PSME3IP1: variants seen among roughly 807,000 people sequenced by gnomAD.
PSME3IP1 encodes the protein proteasome activator subunit 3 interacting protein 1.
Under a neutral mutation model 34.1 loss-of-function variants are expected in PSME3IP1, and 13 were observed. That is an observed-to-expected ratio of 0.38 (90% CI 0.25 to 0.61). The LOEUF is 0.61. Ranked by LOEUF, PSME3IP1 falls within the 20% of genes least tolerant of loss-of-function variation. The pLI, the probability that PSME3IP1 is intolerant of heterozygous loss-of-function variation, is 0.60. For missense variants in PSME3IP1, 237 were observed against 301.4 expected (o/e 0.79, Z 1.58); for synonymous variants, 93 against 114.3 (o/e 0.81, Z 1.19).
intron 1 of PSME3IP1, among the ~76,000 whole-genome samples, chr16:57,176,940 C>T (rs1597743056): frequency 6.6e-6 from 1 of 152,168 alleles, no homozygotes; most frequent in South Asian, 2.1e-4. Context: ...CTGCAACCTC[C>T]GCTTCCCAGA....
rs767059423 is a variant in PSME3IP1, at chr16:57,172,840, T to C, written c.162A>G (p.Leu54=). 5 of 1,613,640 alleles carry C rather than the reference T, an allele frequency of 3.1e-6. No individual in the cohort carries two copies. In the South Asian group the frequency reaches 3.3e-5, roughly 11 times the overall value. The change falls in exon 3 of 7, where the codon CTA becomes CTG. Residue 54 remains leucine, a synonymous_variant. Transcript: ENST00000309137. Reference sequence around the variant, plus strand: ...CCTTCTGTTCCTGTAGCCTTTCATATAGAGATCGAGGGTCATAAACCTCCT... The same window carrying C: ...CCTTCTGTTCCTGTAGCCTTTCATACAGAGATCGAGGGTCATAAACCTCCT... ...CPEEVYDPRS[L]YERLQEQKDR...
At chr16:57,160,806 T>C (rs2071140686) in intron 6 of PSME3IP1, among the ~76,000 whole-genome samples, 1 of 152,116 alleles carries the variant, frequency 6.6e-6, no homozygotes, top group Non-Finnish European at 1.5e-5. Context: ...CTACTAACAA[T>C]GAAAGTATGA....
At chr16:57,163,317 C>T (rs963637768) in intron 6 of PSME3IP1, among the ~76,000 whole-genome samples, 11 of 152,154 alleles carry the variant, frequency 7.2e-5, no homozygotes, top group African/African-American at 2.7e-4. Flanking sequence ...AACAGACCAC[C>T]ACCACTGGTG....
chr16:57,155,762 C>T (rs576100537), intron 6 of PSME3IP1, among the ~76,000 whole-genome samples: 8 of 151,904 alleles, frequency 5.3e-5, no homozygotes, highest in Admixed American at 1.3e-4. Context: ...GTTGAGATCG[C>T]GCTACTGCAC....
At chr16:57,184,809 T>C (rs545299023) in intron 1 of PSME3IP1, among the ~76,000 whole-genome samples, 93 of 152,378 alleles carry the variant, frequency 6.1e-4, no homozygotes, top group African/African-American at 2.1e-3. Context: ...GGTAAGGACA[T>C]GAAGACTTCA....
intron 5 of PSME3IP1, 70 bp downstream of exon 5, chr16:57,167,023 C>T: frequency 1.3e-6 from 2 of 1,577,040 alleles, no homozygotes; most frequent in Non-Finnish European, 1.7e-6. Flanking sequence ...TTGGCTCTGG[C>T]TTCCATTACA....
At chr16:57,173,542 T>C (rs13380615) in intron 2 of PSME3IP1, among the ~76,000 whole-genome samples, 186 bp downstream of exon 2, 2,749 of 151,992 alleles carry the variant, frequency 0.018, 92 homozygotes, top group African/African-American at 0.064. Flanking sequence ...GGCAGGAGAA[T>C]CTCCTGAGCC....
rs1490946273 is a variant in PSME3IP1 at position 57,152,736 on chromosome 16, T to A, written c.*1554A>T. 1 of 152,704 alleles carries A rather than the reference T, an allele frequency of 6.5e-6. No homozygotes were observed. The highest frequency in any genetic ancestry group is 1.5e-5 in the Non-Finnish European group (1 of 68,062). 9.5% of individuals were successfully genotyped at this position (152,704 alleles called of 1,614,324 possible). ...AGGTGCCTACAAAGTTTTACCTAAATGTCTTGTTTGTCAGGATGGAGCTGA... is the reference window on the plus strand; with the variant it reads ...AGGTGCCTACAAAGTTTTACCTAAAAGTCTTGTTTGTCAGGATGGAGCTGA... On this transcript the variant is annotated 3_prime_UTR_variant, in exon 7 of 7. Coordinates refer to ENST00000309137, the MANE Select transcript of PSME3IP1 (RefSeq NM_024946.4).
At chr16:57,177,013 C>A (rs1482964474) in intron 1 of PSME3IP1, among the ~76,000 whole-genome samples, 2 of 152,128 alleles carry the variant, frequency 1.3e-5, no homozygotes, top group African/African-American at 2.4e-5. Context: ...TGCTACCATG[C>A]CCGGCTAATT....
At chr16:57,176,350 C>A (rs2073170910) in intron 1 of PSME3IP1, among the ~76,000 whole-genome samples, 2 of 152,116 alleles carry the variant, frequency 1.3e-5, no homozygotes, top group Non-Finnish European at 2.9e-5. Flanking sequence ...GTAAATAATT[C>A]AGGGTGGGAT....
intron 4 of PSME3IP1, among the ~76,000 whole-genome samples, chr16:57,167,817 T>A (rs1661932708): frequency 6.6e-6 from 1 of 152,210 alleles, no homozygotes; most frequent in Non-Finnish European, 1.5e-5. Flanking sequence ...CTGAAGGTGA[T>A]TTTACACTTG....
intron 6 of PSME3IP1, among the ~76,000 whole-genome samples, chr16:57,163,386 T>G (rs556672460): frequency 1.3e-5 from 2 of 152,274 alleles, no homozygotes; most frequent in African/African-American, 4.8e-5. Flanking sequence ...ATGTAAGCCC[T>G]GTTGATCGAT....
At chr16:57,163,852 G>T in intron 6 of PSME3IP1, 149 bp downstream of exon 6, 1 of 762,806 alleles carries the variant, frequency 1.3e-6, no homozygotes, top group African/African-American at 1.7e-5. Flanking sequence ...ATAAAATCCT[G>T]CCTGGCATAA....
chr16:57,176,202 G>A (rs1259499874), intron 1 of PSME3IP1, among the ~76,000 whole-genome samples: 1 of 152,194 alleles, frequency 6.6e-6, no homozygotes. Flanking sequence ...CAGAGAAAAC[G>A]TGAACTTTCT....
intron 1 of PSME3IP1, among the ~76,000 whole-genome samples, chr16:57,183,161 A>G (rs1300051055): frequency 5.3e-5 from 8 of 152,174 alleles, no homozygotes; most frequent in African/African-American, 1.9e-4. Flanking sequence ...ATGCACAGTG[A>G]AAAGTGGTGG....
intron 1 of PSME3IP1, among the ~76,000 whole-genome samples, chr16:57,177,978 G>C: frequency 6.6e-6 from 1 of 152,198 alleles, no homozygotes; most frequent in East Asian, 1.9e-4. Flanking sequence ...AACAGAGTGA[G>C]ACCCTGTCTC....
At chr16:57,179,173 C>T (rs1448441925) in intron 1 of PSME3IP1, among the ~76,000 whole-genome samples, 1 of 152,042 alleles carries the variant, frequency 6.6e-6, no homozygotes, top group African/African-American at 2.4e-5. Context: ...CCTTTACTCA[C>T]GTTTTCCAAA....
rs113345671 is a variant in PSME3IP1 at position 57,172,943 on chromosome 16, T to C, written c.128-69A>G. On this transcript the variant is annotated intron_variant, in intron 2 of 6. Coordinates refer to ENST00000309137, the MANE Select transcript of PSME3IP1 (RefSeq NM_024946.4). ...TATACACTTCAGATTGTTTTCATAT[T>C]ATTTTGGAATCACAAAAGGTTTTAA... 5.4e-4 allele frequency: 556 copies of C among 1,034,140 alleles called. 2 individuals carry two copies. In the African/African-American group the frequency reaches 8.2e-3, roughly 15 times the overall value. The allele number at this position is 1,034,140 out of a possible 1,614,324, so 64.1% of individuals were successfully genotyped here.
At chr16:57,170,062 TG>T (rs1245317759) in intron 4 of PSME3IP1, among the ~76,000 whole-genome samples, 1 of 150,978 alleles carries the variant, frequency 6.6e-6, no homozygotes, top group South Asian at 2.1e-4. Context: ...AATCTGTCCA[TG>T]TCTTCTCCCA....
Sources: allele counts gnomAD v4.1 joint callset (sites outside exome capture counted in the v4.1 genomes callset), GRCh38; gene constraint gnomAD v4.1.1; transcripts MANE v1.5; gene names NCBI Gene and HGNC (gene_info 2026-07-23, HGNC 2026-07-21).